RBPMS: variants seen among roughly 807,000 people sequenced by gnomAD.
RBPMS encodes the protein RNA-binding protein with multiple splicing.
A neutral mutation model predicts 26.8 loss-of-function variants in RBPMS; 7 were observed. The observed-to-expected ratio is 0.26, with a 90% confidence interval of 0.15 to 0.49. RBPMS has a LOEUF of 0.49. RBPMS is among the 20% of genes least tolerant of loss of function. The pLI, the probability that RBPMS is intolerant of heterozygous loss-of-function variation, is 0.98. For missense variants in RBPMS, 186 were observed against 250.0 expected (o/e 0.74, Z 1.73); for synonymous variants, 96 against 93.3 (o/e 1.03, Z -0.17).
At chr8:30,431,721 G>T (rs1811955473) in intron 1 of RBPMS, among the ~76,000 whole-genome samples, 1 of 151,936 alleles carries the variant, frequency 6.6e-6, no homozygotes, top group Admixed American at 6.6e-5. Flanking sequence ...CAAAGTGTTG[G>T]GATTACAGGT....
At position 30,544,511 on chromosome 8, in the gene RBPMS, G is replaced by T; in HGVS notation, c.415G>T (p.Ala139Ser). The T allele has an allele frequency of 6.2e-7, 1 of 1,614,142 alleles. No homozygotes were observed. Among genetic ancestry groups the T allele is most frequent in the Non-Finnish European group, 8.5e-7 (1 of 1,180,032 alleles). ...TCTTGCAGATGAGCTCACAGTGCCTGCACTTTACCCCAGTAGCCCTGAAGT... is the reference window on the plus strand; with the variant it reads ...TCTTGCAGATGAGCTCACAGTGCCTTCACTTTACCCCAGTAGCCCTGAAGT... ...AREPYELTVP[A>S]LYPSSPEVWA... The change falls in exon 6 of 9, where the codon GCA becomes TCA. Residue 139 changes from alanine to serine, a missense_variant. Ala to Ser is a moderately conservative substitution (Grantham distance 99, BLOSUM62 1). Coordinates refer to ENST00000397323, the MANE Select transcript of RBPMS (RefSeq NM_001008710.3).
chr8:30,510,530 A>G (rs1356859093), intron 5 of RBPMS, among the ~76,000 whole-genome samples: 5 of 146,318 alleles, frequency 3.4e-5, no homozygotes, highest in African/African-American at 7.6e-5. Flanking sequence ...TGTTTTTATT[A>G]TTTACCTCCC....
chr8:30,389,580 A>G (rs1027519256), intron 1 of RBPMS, among the ~76,000 whole-genome samples: 3 of 152,154 alleles, frequency 2.0e-5, no homozygotes, highest in African/African-American at 7.2e-5. Flanking sequence ...TTGATTTAGT[A>G]CCTTTATTTT....
intron 4 of RBPMS, among the ~76,000 whole-genome samples, chr8:30,482,217 T>C (rs1464610783): frequency 2.6e-5 from 4 of 152,230 alleles, no homozygotes; most frequent in African/African-American, 4.8e-5. Flanking sequence ...TAAAAACATA[T>C]GATGCTTGTA....
intron 1 of RBPMS, among the ~76,000 whole-genome samples, chr8:30,471,502 C>A (rs1324535283): frequency 6.6e-6 from 1 of 152,138 alleles, no homozygotes; most frequent in Non-Finnish European, 1.5e-5. Context: ...GGCACCATGA[C>A]ACTTAGAACG....
intron 1 of RBPMS, among the ~76,000 whole-genome samples, chr8:30,427,456 G>T (rs1385299747): frequency 6.6e-6 from 1 of 152,102 alleles, no homozygotes; most frequent in African/African-American, 2.4e-5. Context: ...AGCACATCTT[G>T]TTCTTTACCT....
At chr8:30,548,711 C>T (rs778662898) in intron 6 of RBPMS, among the ~76,000 whole-genome samples, 13 of 152,170 alleles carry the variant, frequency 8.5e-5, no homozygotes, top group Non-Finnish European at 1.8e-4. Context: ...AGGGAGCTCA[C>T]AGAGGAGTAG....
rs58763494 is a variant in RBPMS at position 30,518,687 on chromosome 8, CTTTTTTT to C, written c.397+14273_397+14279del. On this transcript the variant is annotated intron_variant, in intron 5 of 8. Coordinates refer to ENST00000397323, the MANE Select transcript of RBPMS (RefSeq NM_001008710.3). ...CAGTGATCCGCCCGGCCAAGCATGACTTTTTTTTTTTTTTTTTTTTTTTTTTTTCTGA... is the reference window on the plus strand; with the variant it reads ...CAGTGATCCGCCCGGCCAAGCATGACTTTTTTTTTTTTTTTTTTTTTCTGA... Among the ~76,000 whole-genome samples, 71 of 18,244 alleles carry C rather than the reference CTTTTTTT, an allele frequency of 3.9e-3. 1 individual carries two copies. Among genetic ancestry groups the C allele is most frequent in the South Asian group, 5.4e-3 (1 of 184 alleles). 12.0% of individuals were successfully genotyped at this position (18,244 alleles called of 152,430 possible).
Position 30,569,392 on chromosome 8 carries a change from C to T in RBPMS, c.*112-1245C>T, listed in dbSNP as rs188305250. Among the ~76,000 whole-genome samples, 42 of 152,282 alleles carry T rather than the reference C, an allele frequency of 2.8e-4. No homozygotes were observed. The East Asian group carries it at 8.1e-3, about 29-fold the overall frequency. On this transcript the variant is annotated intron_variant, in intron 8 of 8. Coordinates refer to ENST00000397323, the MANE Select transcript of RBPMS (RefSeq NM_001008710.3). ...AAAGTGGCCTGGTCAGTGAGAACCC[C>T]TGTGAGGAGCTCAGAGGAGGAAGCC... is the stretch of plus-strand genomic sequence containing the variant.
chr8:30,472,326 G>A (rs1453426028), intron 1 of RBPMS, among the ~76,000 whole-genome samples: 1 of 152,172 alleles, frequency 6.6e-6, no homozygotes, highest in African/African-American at 2.4e-5. Flanking sequence ...ATACTCTGTG[G>A]TTCCCTCTGT....
intron 2 of RBPMS, 98 bp downstream of exon 2, chr8:30,474,954 A>C: frequency 1.2e-6 from 1 of 802,792 alleles, no homozygotes; most frequent in South Asian, 1.5e-5. Context: ...TTGAGAAGAA[A>C]ACAGATGTTT....
intron 5 of RBPMS, among the ~76,000 whole-genome samples, chr8:30,539,859 C>T (rs2151033382): frequency 6.6e-6 from 1 of 152,282 alleles, no homozygotes; most frequent in East Asian, 1.9e-4. Context: ...CTCCAGACCT[C>T]AAGTGATCCA....
chr8:30,477,883 T>A, intron 3 of RBPMS, 46 bp downstream of exon 3: 2 of 1,257,784 alleles, frequency 1.6e-6, no homozygotes, highest in Non-Finnish European at 2.3e-6. Flanking sequence ...TTTACTTTCC[T>A]CAGGAATATT....
intron 6 of RBPMS, chr8:30,545,274 TTTA>T: frequency 1.7e-6 from 2 of 1,211,304 alleles, no homozygotes; most frequent in Non-Finnish European, 2.1e-6. Context: ...TAGCCTGATT[TTTA>T]TAAACAAACT....
At chr8:30,408,211 C>G (rs919841915) in intron 1 of RBPMS, among the ~76,000 whole-genome samples, 12 of 152,160 alleles carry the variant, frequency 7.9e-5, no homozygotes, top group African/African-American at 2.2e-4. Context: ...GTCCATCTAA[C>G]ACGAATGGCA....
At chr8:30,419,450 A>ATG (rs71278690) in intron 1 of RBPMS, among the ~76,000 whole-genome samples, 3,971 of 143,214 alleles carry the variant, frequency 0.028, 84 homozygotes, top group Admixed American at 0.067. Flanking sequence ...CATCTCAAAA[A>ATG]TGTGTGTGTG....
intron 7 of RBPMS, chr8:30,565,907 A>T (rs573323325): frequency 1.3e-5 from 2 of 152,240 alleles, no homozygotes; most frequent in African/African-American, 4.8e-5. Flanking sequence ...AACCACAGGG[A>T]CGTGGGTGTA....
chr8:30,449,837 C>T (rs1325317445), intron 1 of RBPMS, among the ~76,000 whole-genome samples: 1 of 152,252 alleles, frequency 6.6e-6, no homozygotes, highest in Non-Finnish European at 1.5e-5. Context: ...TTGCCTTTCA[C>T]AGAGTACTTT....
intron 4 of RBPMS, among the ~76,000 whole-genome samples, chr8:30,503,804 A>T (rs1180057431): frequency 6.6e-6 from 1 of 152,198 alleles, no homozygotes; most frequent in African/African-American, 2.4e-5. Context: ...CGTAGGGTCC[A>T]GAATTCATGG....
Sources: allele counts gnomAD v4.1 joint callset (sites outside exome capture counted in the v4.1 genomes callset), GRCh38; gene constraint gnomAD v4.1.1; transcripts MANE v1.5; gene names NCBI Gene and HGNC (gene_info 2026-07-23, HGNC 2026-07-21).